The following PITPNM2 variants were observed in gnomAD, a reference collection of about 807,000 sequenced individuals.
The protein encoded by PITPNM2 is phosphatidylinositol transfer protein membrane associated 2, also known as membrane-associated phosphatidylinositol transfer protein 2.
Under a neutral mutation model 132.2 loss-of-function variants are expected in PITPNM2, and 35 were observed. The ratio of observed to expected loss-of-function variants is 0.26; its 90% confidence interval spans 0.20 to 0.35. The LOEUF (loss-of-function observed/expected upper bound fraction) is 0.35. Ranked by LOEUF, PITPNM2 falls within the 10% of genes least tolerant of loss-of-function variation. The probability of loss-of-function intolerance (pLI) is 1.00; values close to 1 mark genes in which losing one functional copy is unlikely to be tolerated. For missense variants in PITPNM2, 1,332 were observed against 1,912.0 expected (o/e 0.70, Z 5.66); for synonymous variants, 738 against 799.2 (o/e 0.92, Z 1.29).
chr12:123,114,121 T>A (rs2042891859), intron 1 of PITPNM2, among the ~76,000 whole-genome samples: 1 of 152,222 alleles, frequency 6.6e-6, no homozygotes, highest in East Asian at 1.9e-4. Flanking sequence ...GGTTCCACCT[T>A]TTGGCTATTG....
chr12:122,993,912 T>C lies in PITPNM2; in HGVS notation c.2233+889A>G, dbSNP rs2136102401. Among the ~76,000 whole-genome samples the C allele has an allele frequency of 6.6e-6, 1 of 152,266 alleles. No homozygotes were observed. Among genetic ancestry groups the C allele is most frequent in the Admixed American group, 6.5e-5 (1 of 15,300 alleles). On this transcript the variant is annotated intron_variant, in intron 15 of 25. Transcript: ENST00000320201. The surrounding 1 kb of genome is among the most constrained non-coding windows in gnomAD (Gnocchi z 5.2). ...TTTTGAGACTGAGTTTCGCTTTTGT[T>C]GCCCAGGCTGGAGTGCAATGGCACA...
intron 2 of PITPNM2, among the ~76,000 whole-genome samples, chr12:123,060,542 G>A (rs2041199817): frequency 6.6e-6 from 1 of 152,258 alleles, no homozygotes; most frequent in South Asian, 2.1e-4. Flanking sequence ...AATGCAGAGT[G>A]GCCTGGAGGG....
At chr12:123,070,570 G>A (rs938526878) in intron 2 of PITPNM2, among the ~76,000 whole-genome samples, 4 of 152,192 alleles carry the variant, frequency 2.6e-5, no homozygotes, top group African/African-American at 9.7e-5. Context: ...GGAAGCAGGC[G>A]ATGTCCCCCC....
At position 122,989,880 on chromosome 12, in the gene PITPNM2, TG is replaced by T; in HGVS notation, c.2637del (p.Ser880AlafsTer79). 6.2e-6 allele frequency: 1 copy of T among 160,290 alleles called. No individual in the cohort carries two copies. The allele number at this position is 160,290 out of a possible 1,614,324, so 9.9% of individuals were successfully genotyped here. ...RRLSLLALPA[P>X]SPTTPGPHPP... ...GGGTGGGGGCCAGGGGTGGTGGGGC[TG>T]GGGGCGGGCAGGGCGAGCAGGGACA... On this transcript the variant is annotated frameshift_variant, in exon 18 of 26. Transcript: ENST00000320201. LOFTEE classifies it high-confidence loss of function.
rs375027323 is a variant in PITPNM2, at chr12:123,034,600, C to T, written c.-10G>A. The T allele has an allele frequency of 5.6e-6, 9 of 1,613,548 alleles. No individual in the cohort carries two copies. In the African/African-American group the frequency reaches 1.2e-4, roughly 22 times the overall value. The stretch of plus-strand genomic sequence containing the variant: ...ATTCCTTTATAATCATCTTGGAGTC[C>T]AAGCCTTCCCGTCGATGGGGAACTG... On this transcript the variant is annotated 5_prime_UTR_variant, in exon 3 of 26. Transcript: ENST00000320201.
intron 1 of PITPNM2, among the ~76,000 whole-genome samples, chr12:123,130,024 C>T (rs2043228573): frequency 6.6e-6 from 1 of 151,988 alleles, no homozygotes; most frequent in Non-Finnish European, 1.5e-5. Flanking sequence ...CCCGCCTTGG[C>T]CTCCCAAGTG....
rs149911683 is a variant in PITPNM2, at chr12:123,045,298, G to A, written c.-95-10613C>T. ...CCCCTTTATAGCAAATCCTCCTCAA[G>A]CTTAGCTATACTTGCTGTTTCCATT... is the stretch of plus-strand genomic sequence containing the variant. On this transcript the variant is annotated intron_variant, in intron 2 of 25. Transcript: ENST00000320201. 4.7e-3 allele frequency among the ~76,000 whole-genome samples: 715 copies of A among 152,242 alleles called. 5 individuals carry two copies. Among genetic ancestry groups the A allele is most frequent in the South Asian group, 0.016 (75 of 4,832 alleles).
At chr12:123,060,328 GT>G (rs1555293490) in intron 2 of PITPNM2, among the ~76,000 whole-genome samples, 1 of 152,122 alleles carries the variant, frequency 6.6e-6, no homozygotes, top group Non-Finnish European at 1.5e-5. Flanking sequence ...ACCCTCACCC[GT>G]GAGGACCCAG....
intron 22 of PITPNM2, 25 bp downstream of exon 22, chr12:122,987,486 C>T (rs748605556): frequency 6.2e-7 from 1 of 1,611,022 alleles, no homozygotes; most frequent in Non-Finnish European, 8.5e-7. Flanking sequence ...CCTGCCTATC[C>T]CGCCCTCCCA....
intron 3 of PITPNM2, among the ~76,000 whole-genome samples, chr12:123,025,473 G>T (rs1057328029): frequency 1.4e-5 from 2 of 140,710 alleles, no homozygotes; most frequent in African/African-American, 5.4e-5. Context: ...CGCTCTTCTT[G>T]CCCAGGCTGG....
Position 123,008,378 on chromosome 12 carries a change from C to T in PITPNM2, c.643+1472G>A, listed in dbSNP as rs2136220490. 6.6e-6 allele frequency among the ~76,000 whole-genome samples: 1 copy of T among 152,316 alleles called. No homozygotes were observed. The highest frequency in any genetic ancestry group is 2.1e-4 in the South Asian group (1 of 4,826). On this transcript the variant is annotated intron_variant, in intron 6 of 25. Transcript: ENST00000320201. The surrounding 1 kb of genome is among the most constrained non-coding windows in gnomAD (Gnocchi z 4.1). Reference sequence around the variant, plus strand: ...CTTGAGGAGAGGGTGGGACGAGTCACCAGCGCTGATGTGTTCAGGTTCCTG... The same window carrying T: ...CTTGAGGAGAGGGTGGGACGAGTCATCAGCGCTGATGTGTTCAGGTTCCTG...
chr12:123,097,462 C>T lies in PITPNM2; in HGVS notation c.-96+12923G>A, dbSNP rs910351704. ...CCTTTCCTCTCCTTGGCAGACCCTCCCTCGCTCCTCTACCCTCGACCCCAC... is the reference window on the plus strand; with the variant it reads ...CCTTTCCTCTCCTTGGCAGACCCTCTCTCGCTCCTCTACCCTCGACCCCAC... On this transcript the variant is annotated intron_variant, in intron 2 of 25. Coordinates refer to ENST00000320201, the MANE Select transcript of PITPNM2 (RefSeq NM_020845.3). This position sits in a 1 kb window ranked among gnomAD's most constrained non-coding sequence, Gnocchi z 4.7. 1.3e-5 allele frequency among the ~76,000 whole-genome samples: 2 copies of T among 152,188 alleles called. No homozygotes were observed. Among genetic ancestry groups the T allele is most frequent in the Non-Finnish European group, 2.9e-5 (2 of 68,038 alleles).
intron 1 of PITPNM2, among the ~76,000 whole-genome samples, chr12:123,147,447 C>A (rs2043640761): frequency 6.6e-6 from 1 of 152,248 alleles, no homozygotes; most frequent in East Asian, 1.9e-4. Flanking sequence ...CAGGCGCACA[C>A]CACCACGCCC....
chr12:123,068,784 C>G (rs1056074999), intron 2 of PITPNM2, among the ~76,000 whole-genome samples: 1 of 152,190 alleles, frequency 6.6e-6, no homozygotes, highest in East Asian at 1.9e-4. Context: ...CCAGCACTTA[C>G]GAACCCCAGG....
Position 123,005,179 on chromosome 12 carries a change from T to C in PITPNM2, c.952+61A>G. On this transcript the variant is annotated intron_variant, in intron 7 of 25. Transcript: ENST00000320201. This position sits in a 1 kb window ranked among gnomAD's most constrained non-coding sequence, Gnocchi z 6.2. ...GAGGAGGTGCAGTGATCCAGCAGTG[T>C]GTGGGGCTGCCTTGAGGGGAGGGAC... The C allele has an allele frequency of 6.5e-7, 1 of 1,545,110 alleles. No individual in the cohort carries two copies. The highest frequency in any genetic ancestry group is 8.8e-7 in the Non-Finnish European group (1 of 1,136,124).
At chr12:123,067,155 A>G (rs987654972) in intron 2 of PITPNM2, among the ~76,000 whole-genome samples, 9 of 152,272 alleles carry the variant, frequency 5.9e-5, no homozygotes, top group African/African-American at 1.9e-4. Context: ...TTATAAGAAG[A>G]GGAGAGAGTC....
chr12:123,007,389 C>T (rs925972120), intron 6 of PITPNM2: 2 of 456,496 alleles, frequency 4.4e-6, no homozygotes, highest in African/African-American at 4.0e-5. Context: ...TCTGAATGAA[C>T]ATTCCAGAAC....
In PITPNM2 at chr12:122,992,381, C is replaced by A; in HGVS notation, c.2404+118G>T. ...CAGCTGTCCACCTCCAAGAGGCATT[C>A]AGCACAAGCTGTCCCTCTCACCTGG... On this transcript the variant is annotated intron_variant, in intron 16 of 25. Coordinates refer to ENST00000320201, the MANE Select transcript of PITPNM2 (RefSeq NM_020845.3). The surrounding 1 kb of genome is among the most constrained non-coding windows in gnomAD (Gnocchi z 6.5). 2.2e-6 allele frequency: 2 copies of A among 894,118 alleles called. No homozygotes were observed. The highest frequency in any genetic ancestry group is 3.0e-6 in the Non-Finnish European group (2 of 656,908). 55.4% of individuals were successfully genotyped at this position (894,118 alleles called of 1,614,324 possible).
At chr12:123,110,139 G>A (rs926394559) in intron 2 of PITPNM2, among the ~76,000 whole-genome samples, 3 of 151,910 alleles carry the variant, frequency 2.0e-5, no homozygotes, top group Non-Finnish European at 4.4e-5. Flanking sequence ...TTTTTTCAGA[G>A]ATATGCAGTC....
Sources: allele counts gnomAD v4.1 joint callset (sites outside exome capture counted in the v4.1 genomes callset), GRCh38; gene constraint gnomAD v4.1.1; non-coding constraint Gnocchi (gnomAD v3.1); transcripts MANE v1.5; gene names NCBI Gene and HGNC (gene_info 2026-07-23, HGNC 2026-07-21).